The following CCDC117 variants were observed in gnomAD, a reference collection of about 807,000 sequenced individuals.
CCDC117 encodes coiled-coil domain-containing protein 117.
A neutral mutation model predicts 23.5 loss-of-function variants in CCDC117; 1 was observed. The observed-to-expected ratio is 0.04, with a 90% CI of 0.02 to 0.20. The LOEUF (loss-of-function observed/expected upper bound fraction) is 0.20. Among genes scored for constraint, CCDC117 ranks in the 10% least tolerant of loss-of-function variants. The pLI, the probability that CCDC117 is intolerant of heterozygous loss-of-function variation, is 1.00. For synonymous variants in CCDC117, 132 were observed against 124.8 expected, an observed-to-expected ratio of 1.06 and a Z score of -0.39; for missense variants, 383 against 348.2, an observed-to-expected ratio of 1.10 and a Z score of -0.80.
chr22:28,780,414 T>A (rs2031284389), intron 2 of CCDC117, among the ~76,000 whole-genome samples: 1 of 152,220 alleles, frequency 6.6e-6, no homozygotes, highest in Non-Finnish European at 1.5e-5. Context: ...TCTTCCTATA[T>A]GTTTGATGGA....
intron 4 of CCDC117, among the ~76,000 whole-genome samples, chr22:28,784,504 C>T (rs1052213418): frequency 1.3e-5 from 2 of 152,330 alleles, no homozygotes; most frequent in Non-Finnish European, 2.9e-5. Context: ...CCTCTTAGGA[C>T]ACCAGTCAGT....
At chr22:28,783,011 G>A (rs575537967) in intron 3 of CCDC117, among the ~76,000 whole-genome samples, 3 of 151,816 alleles carry the variant, frequency 2.0e-5, no homozygotes, top group African/African-American at 4.8e-5. Flanking sequence ...AAACTTTTTC[G>A]TTAAATGAAA....
In CCDC117 at chr22:28,781,053, C is replaced by T. The variant is rs1332284024; in HGVS notation, c.345C>T (p.Pro115=). 2.5e-6 allele frequency: 4 copies of T among 1,613,744 alleles called. No individual in the cohort carries two copies. Among genetic ancestry groups the T allele is most frequent in the Non-Finnish European group, 3.4e-6 (4 of 1,179,910 alleles). Residue 115 remains proline, a synonymous_variant, in exon 3 of 5, where the codon CCC becomes CCT. Coordinates refer to ENST00000249064, the MANE Select transcript of CCDC117 (RefSeq NM_173510.4). ...ATGTAGAGGGGCATGGAGTAAATCC[C>T]AGTGTTAGTGGCCTTTCCATACCTG... The part of the protein sequence containing the change: ...HQDVEGHGVN[P]SVSGLSIPGI...
intron 3 of CCDC117, 126 bp downstream of exon 3, chr22:28,781,298 A>G (rs978912022): frequency 3.9e-6 from 2 of 518,152 alleles, no homozygotes; most frequent in African/African-American, 1.9e-5. Flanking sequence ...ACTAAGTCAG[A>G]TAATTCAAAG....
At chr22:28,782,135 G>A (rs750560631) in intron 3 of CCDC117, among the ~76,000 whole-genome samples, 2 of 148,634 alleles carry the variant, frequency 1.3e-5, no homozygotes, top group South Asian at 4.3e-4. Context: ...ACGGGATTTC[G>A]CCATGTTGCC....
intron 2 of CCDC117, among the ~76,000 whole-genome samples, chr22:28,774,224 C>T (rs778769303): frequency 3.3e-5 from 5 of 150,860 alleles, no homozygotes; most frequent in Non-Finnish European, 5.9e-5. Context: ...CCCGCCACCA[C>T]GCCTGGCAAT....
chr22:28,786,963 G>A lies in CCDC117; in HGVS notation c.*637G>A, dbSNP rs1014428983. 1 of 152,386 alleles carries A rather than the reference G, an allele frequency of 6.6e-6. No homozygotes were observed. The highest frequency in any genetic ancestry group is 2.4e-5 in the African/African-American group (1 of 41,390). 9.4% of individuals were successfully genotyped at this position (152,386 alleles called of 1,614,324 possible). A position where few individuals can be genotyped will look rare whatever the true frequency, so the allele number is the denominator to read the frequency against. On this transcript the variant is annotated 3_prime_UTR_variant, in exon 5 of 5. Coordinates refer to ENST00000249064, the MANE Select transcript of CCDC117 (RefSeq NM_173510.4). ...AAAGTTTTTTCTTTAAGGCTTTTTT[G>A]CCTTGTGCCACTGTTGCTCCTTGGT...
Position 28,787,584 on chromosome 22 carries a change from T to G in CCDC117, c.*1258T>G, listed in dbSNP as rs539323918. The G allele has an allele frequency of 6.6e-6, 1 of 152,560 alleles. No individual in the cohort carries two copies. The highest frequency in any genetic ancestry group is 1.5e-5 in the Non-Finnish European group (1 of 67,988). The allele number at this position is 152,560 out of a possible 1,614,324, so 9.5% of individuals were successfully genotyped here. On this transcript the variant is annotated 3_prime_UTR_variant, in exon 5 of 5. Transcript: ENST00000249064. ...GTAAACCTAAAAGGTAGTGGAGAAT[T>G]GCTTCCTGCTAGCAGGAAGCCTTCA... is the stretch of plus-strand genomic sequence containing the variant.
Position 28,787,946 on chromosome 22 carries a change from C to G in CCDC117, c.*1620C>G, listed in dbSNP as rs1369846105. 5 of 152,600 alleles carry G rather than the reference C, an allele frequency of 3.3e-5. No individual in the cohort carries two copies. The highest frequency in any genetic ancestry group is 1.2e-4 in the African/African-American group (5 of 41,446). The allele number at this position is 152,600 out of a possible 1,614,324, so 9.5% of individuals were successfully genotyped here. On this transcript the variant is annotated 3_prime_UTR_variant, in exon 5 of 5. Coordinates refer to ENST00000249064, the MANE Select transcript of CCDC117 (RefSeq NM_173510.4). ...CTTCTAGGCGTTTTTGGAACCCTTA[C>G]TGAAATCCCTCCCCTTGTTACAGAT...
chr22:28,773,632 G>A (rs763934327), intron 1 of CCDC117, 93 bp from the exon 2 acceptor site: 6 of 1,009,388 alleles, frequency 5.9e-6, no homozygotes, highest in Non-Finnish European at 9.3e-6. Flanking sequence ...TGGTATGTGG[G>A]GATGAGCAAG....
intron 4 of CCDC117, 58 bp from the exon 5 acceptor site, chr22:28,786,031 C>T (rs1317364380): frequency 6.2e-6 from 8 of 1,281,054 alleles, no homozygotes; most frequent in Admixed American, 2.2e-5. Flanking sequence ...TTTCAACCTA[C>T]AGCTTTTGTT....
At chr22:28,773,399 T>A in intron 1 of CCDC117, 1 of 270,448 alleles carries the variant, frequency 3.7e-6, no homozygotes, top group Non-Finnish European at 7.1e-6. Context: ...ATGCCAAGCA[T>A]GGGACAGAAA....
In CCDC117 at chr22:28,782,250, C is replaced by CTTTTTTTTT. The variant is rs34670753; in HGVS notation, c.464+1096_464+1104dup. On this transcript the variant is annotated intron_variant, in intron 3 of 4. Transcript: ENST00000249064. ...ACTGTGCCGGGCCAGTCTACTGAGC[C>CTTTTTTTTT]TTTTTTTTTTTTTTTTTTTTTTTTT... Among the ~76,000 whole-genome samples, 44 of 80,318 alleles carry CTTTTTTTTT rather than the reference C, an allele frequency of 5.5e-4. 3 individuals carry two copies. Among genetic ancestry groups the CTTTTTTTTT allele is most frequent in the African/African-American group, 2.5e-3 (42 of 16,476 alleles). The allele number at this position is 80,318 out of a possible 152,430, so 52.7% of individuals were successfully genotyped here. A position where few individuals can be genotyped will look rare whatever the true frequency, so the allele number is the denominator to read the frequency against.
intron 3 of CCDC117, 53 bp from the exon 4 acceptor site, chr22:28,783,455 A>G (rs997285728): frequency 1.9e-6 from 3 of 1,559,730 alleles, no homozygotes; most frequent in Admixed American, 3.7e-5. Context: ...ACTAGAATAT[A>G]TAATAGCTTG....
chr22:28,777,971 G>A (rs963287639), intron 2 of CCDC117, among the ~76,000 whole-genome samples: 8 of 151,360 alleles, frequency 5.3e-5, no homozygotes, highest in South Asian at 2.1e-4. Context: ...TCAGCCTCCC[G>A]AGTAGCTGGG....
At chr22:28,773,682 C>T (rs543436069) in intron 1 of CCDC117, 43 bp from the exon 2 acceptor site, 3 of 1,509,108 alleles carry the variant, frequency 2.0e-6, no homozygotes, top group Non-Finnish European at 1.8e-6. Flanking sequence ...ACCACAAGCT[C>T]GAGTACATTT....
Position 28,781,090 on chromosome 22 carries a change from GTTA to G in CCDC117, c.385_387del (p.Ile129del). Reference sequence around the variant, plus strand: ...CCTTTCCATACCTGGGATATTAGATGTTATTTGTGAAGAAATGGATCAGACAAC... The same window carrying G: ...CCTTTCCATACCTGGGATATTAGATGTTTGTGAAGAAATGGATCAGACAAC... On this transcript the variant is annotated inframe_deletion, in exon 3 of 5. Coordinates refer to ENST00000249064, the MANE Select transcript of CCDC117 (RefSeq NM_173510.4). 6.2e-7 allele frequency: 1 copy of G among 1,614,006 alleles called. No homozygotes were observed. Among genetic ancestry groups the G allele is most frequent in the Non-Finnish European group, 8.5e-7 (1 of 1,179,978 alleles).
chr22:28,789,172 AAT>A lies in CCDC117; in HGVS notation c.*2848_*2849del, dbSNP rs2031603957. On this transcript the variant is annotated 3_prime_UTR_variant, in exon 5 of 5. Coordinates refer to ENST00000249064, the MANE Select transcript of CCDC117 (RefSeq NM_173510.4). The stretch of plus-strand genomic sequence containing the variant: ...GATTTGGAACTTGGCTTTGTTTTTC[AAT>A]AGTGACAAGAATGGTTCAGTTCTAG... 1 of 152,176 alleles carries A rather than the reference AAT, an allele frequency of 6.6e-6. No individual in the cohort carries two copies. 9.4% of individuals were successfully genotyped at this position (152,176 alleles called of 1,614,324 possible). A position where few individuals can be genotyped will look rare whatever the true frequency, so the allele number is the denominator to read the frequency against.
chr22:28,775,026 G>A (rs2146244400), intron 2 of CCDC117, among the ~76,000 whole-genome samples: 1 of 152,128 alleles, frequency 6.6e-6, no homozygotes, highest in African/African-American at 2.4e-5. Flanking sequence ...CACTTTGGGA[G>A]GCTGAGAAGG....
Sources: gnomAD v4.1 joint callset for allele counts (sites outside exome capture counted in the v4.1 genomes callset) on GRCh38, gnomAD v4.1.1 for gene constraint, MANE v1.5 for transcripts, NCBI Gene and HGNC (gene_info 2026-07-23, HGNC 2026-07-21) for gene names.